Variants in SLC35F2 observed in about 807,000 individuals in gnomAD.
The protein encoded by SLC35F2 is solute carrier family 35 member F2.
Under a neutral mutation model 38.1 loss-of-function variants are expected in SLC35F2, and 25 were observed. The ratio of observed to expected loss-of-function variants is 0.66; its 90% CI spans 0.48 to 0.92. The LOEUF (loss-of-function observed/expected upper bound fraction) is 0.92, where lower values mean the gene tolerates loss of function less well. SLC35F2 is among the 40% of genes least tolerant of loss of function. SLC35F2 has a pLI of 0.00. For missense variants in SLC35F2, 409 were observed against 452.9 expected (o/e 0.90, Z 0.88); for synonymous variants, 173 against 181.7 (o/e 0.95, Z 0.38).
intron 1 of SLC35F2, among the ~76,000 whole-genome samples, chr11:107,842,605 C>T (rs1416310492): frequency 6.6e-6 from 1 of 152,128 alleles, no homozygotes; most frequent in East Asian, 1.9e-4. Context: ...CTGCAACCTC[C>T]ACCTCTTGGG....
chr11:107,858,257 A>C (rs1248063423), intron 1 of SLC35F2, among the ~76,000 whole-genome samples: 2 of 152,144 alleles, frequency 1.3e-5, no homozygotes, highest in African/African-American at 4.8e-5. Flanking sequence ...CAGCAGATGG[A>C]ATGAGGGCGC....
intron 4 of SLC35F2, 190 bp downstream of exon 4, chr11:107,806,527 G>A: frequency 1.7e-6 from 1 of 577,366 alleles, no homozygotes; most frequent in Non-Finnish European, 3.2e-6. Flanking sequence ...TTGAAGATTG[G>A]ATGAATTCAT....
chr11:107,840,312 C>G (rs748849864), intron 1 of SLC35F2, among the ~76,000 whole-genome samples: 1 of 152,218 alleles, frequency 6.6e-6, no homozygotes, highest in African/African-American at 2.4e-5. Flanking sequence ...ATCCCTGAGA[C>G]AGGCATACAA....
At chr11:107,799,073 C>A (rs1240524069) in intron 7 of SLC35F2, among the ~76,000 whole-genome samples, 1 of 152,162 alleles carries the variant, frequency 6.6e-6, no homozygotes, top group Non-Finnish European at 1.5e-5. Context: ...GAGACTCTGT[C>A]GCAAACAAAA....
At chr11:107,807,577 A>ATC (rs1859416030) in intron 3 of SLC35F2, among the ~76,000 whole-genome samples, 1 of 96,180 alleles carries the variant, frequency 1.0e-5, no homozygotes, top group Non-Finnish European at 2.2e-5. Context: ...TTTTATTATT[A>ATC]TTATTTTTTT....
intron 3 of SLC35F2, among the ~76,000 whole-genome samples, chr11:107,807,089 A>T (rs1337621661): frequency 6.6e-6 from 1 of 152,048 alleles, no homozygotes; most frequent in African/African-American, 2.4e-5. Context: ...TTTATACATG[A>T]GAAAATGAAG....
intron 4 of SLC35F2, 45 bp from the exon 5 acceptor site, chr11:107,805,560 G>A: frequency 6.3e-7 from 1 of 1,591,032 alleles, no homozygotes; most frequent in Non-Finnish European, 8.6e-7. Flanking sequence ...GTCAACAGAT[G>A]AACCTCCACA....
intron 6 of SLC35F2, 145 bp downstream of exon 6, chr11:107,804,573 A>G (rs190372046): frequency 3.5e-6 from 2 of 570,088 alleles, no homozygotes; most frequent in East Asian, 3.3e-5. Context: ...AGAAAACTCA[A>G]TGTAAACCAC....
intron 1 of SLC35F2, chr11:107,821,350 C>T (rs1859667439): frequency 1.1e-6 from 1 of 949,568 alleles, no homozygotes. Flanking sequence ...AGGAGAGTCA[C>T]AAATTGAGTA....
intron 1 of SLC35F2, among the ~76,000 whole-genome samples, chr11:107,824,257 T>C (rs1037762643): frequency 6.6e-6 from 1 of 152,206 alleles, no homozygotes; most frequent in Non-Finnish European, 1.5e-5. Context: ...CACTGGATGA[T>C]GTCTTACTCG....
intron 2 of SLC35F2, among the ~76,000 whole-genome samples, chr11:107,814,593 T>C (rs1271121641): frequency 2.0e-5 from 3 of 152,176 alleles, no homozygotes; most frequent in East Asian, 3.9e-4. Flanking sequence ...AATGTATGCA[T>C]TGTACATTTG....
intron 1 of SLC35F2, among the ~76,000 whole-genome samples, chr11:107,824,605 T>C (rs1859725342): frequency 6.6e-6 from 1 of 152,250 alleles, no homozygotes; most frequent in Non-Finnish European, 1.5e-5. Context: ...TCCTAGTCTT[T>C]GAATCCAAAG....
At chr11:107,815,389 T>TA (rs1555083773) in intron 2 of SLC35F2, among the ~76,000 whole-genome samples, 7,510 of 95,334 alleles carry the variant, frequency 0.079, 379 homozygotes, top group African/African-American at 0.18. Context: ...ATCTCTAAAA[T>TA]AAAAAAAAAA....
Position 107,830,105 on chromosome 11 carries a change from T to TA in SLC35F2, c.111-14141dup, listed in dbSNP as rs937523947. On this transcript the variant is annotated intron_variant, in intron 1 of 7. Transcript: ENST00000525815. ...AGCAAGACCTCATCTCTATAAAAGT[T>TA]AAAAAAAAAAAATTGTAATTAAAAA... Among the ~76,000 whole-genome samples, 542 of 145,744 alleles carry TA rather than the reference T, an allele frequency of 3.7e-3. 2 individuals carry two copies. The highest frequency in any genetic ancestry group is 0.012 in the African/African-American group (462 of 40,094).
At chr11:107,803,614 A>T in intron 6 of SLC35F2, 1 of 551,222 alleles carries the variant, frequency 1.8e-6, no homozygotes, top group Non-Finnish European at 2.3e-6. Flanking sequence ...GACATCAAAG[A>T]CAGTTATTAG....
chr11:107,833,668 A>C (rs1399469310), intron 1 of SLC35F2, among the ~76,000 whole-genome samples: 2 of 152,160 alleles, frequency 1.3e-5, no homozygotes, highest in African/African-American at 4.8e-5. Context: ...ACTCTTGTTA[A>C]AATTGTTACA....
chr11:107,835,792 C>T (rs1859921359), intron 1 of SLC35F2, among the ~76,000 whole-genome samples: 1 of 152,042 alleles, frequency 6.6e-6, no homozygotes, highest in African/African-American at 2.4e-5. Context: ...AGCAGAGAAA[C>T]GGAGCCCCTG....
rs1172962108 is a variant in SLC35F2, at chr11:107,818,126, A to AAG, written c.111-2163_111-2162dup. On this transcript the variant is annotated intron_variant, in intron 1 of 7. Coordinates refer to ENST00000525815, the MANE Select transcript of SLC35F2 (RefSeq NM_017515.5). ...AAAGAAAGAAAGAAAGAAAGAAAGA[A>AAG]AGAAAGAAAAAGAAACAATTGTCAG... Among the ~76,000 whole-genome samples the AAG allele has an allele frequency of 6.4e-4, 96 of 148,846 alleles. 1 individual carries two copies. Among genetic ancestry groups the AAG allele is most frequent in the Admixed American group, 5.8e-3 (87 of 14,878 alleles).
At chr11:107,849,467 C>T (rs1046674348) in intron 1 of SLC35F2, among the ~76,000 whole-genome samples, 55 of 151,916 alleles carry the variant, frequency 3.6e-4, no homozygotes, top group Admixed American at 3.4e-3. Context: ...GGTGAAACCC[C>T]GTCTCTACTA....
Sources: gnomAD v4.1 joint callset for allele counts (sites outside exome capture counted in the v4.1 genomes callset) on GRCh38, gnomAD v4.1.1 for gene constraint, MANE v1.5 for transcripts, NCBI Gene and HGNC (gene_info 2026-07-23, HGNC 2026-07-21) for gene names.